SIRPG: variants seen among roughly 807,000 people sequenced by gnomAD.
The protein encoded by SIRPG is signal regulatory protein gamma.
A neutral mutation model predicts 35.7 loss-of-function variants in SIRPG; 38 were observed. The ratio of observed to expected loss-of-function variants is 1.06; its 90% confidence interval spans 0.82 to 1.40. The LOEUF is 1.40. Among genes scored for constraint, SIRPG ranks in the 40% most tolerant of loss-of-function variants. The pLI is 0.00. For missense variants in SIRPG, 519 were observed against 483.0 expected, an observed-to-expected ratio of 1.07 and a Z score of -0.70; for synonymous variants, 215 against 190.4, an observed-to-expected ratio of 1.13 and a Z score of -1.06.
intron 4 of SIRPG, among the ~76,000 whole-genome samples, chr20:1,631,826 T>C (rs2091752934): frequency 6.6e-6 from 1 of 152,146 alleles, no homozygotes; most frequent in Non-Finnish European, 1.5e-5. Flanking sequence ...AATTGGGAAA[T>C]GGTAGTTATA....
chr20:1,640,540 C>G (rs932350646), intron 2 of SIRPG, among the ~76,000 whole-genome samples: 1 of 152,162 alleles, frequency 6.6e-6, no homozygotes, highest in Non-Finnish European at 1.5e-5. Flanking sequence ...AATATAGAAT[C>G]ATGTCATCTG....
At chr20:1,648,933 A>C in intron 2 of SIRPG, 119 bp downstream of exon 2, 4 of 940,720 alleles carry the variant, frequency 4.3e-6, no homozygotes, top group Non-Finnish European at 6.7e-6. Context: ...AGGGGGTGAC[A>C]ACAGGTCTTG....
intron 3 of SIRPG, 103 bp downstream of exon 3, chr20:1,636,085 G>A (rs955486371): frequency 2.0e-6 from 3 of 1,526,964 alleles, no homozygotes; most frequent in Non-Finnish European, 2.7e-6. Context: ...TATAGTCAGG[G>A]ATTAGATTAC....
chr20:1,653,537 T>C (rs558283244), intron 1 of SIRPG, among the ~76,000 whole-genome samples: 103 of 152,290 alleles, frequency 6.8e-4, no homozygotes, highest in African/African-American at 2.4e-3. Context: ...TAGGCAGACC[T>C]GTGTCACCTG....
At chr20:1,672,395 C>T in the SIRPG span, among the ~76,000 whole-genome samples, 494 of 152,242 alleles carry the variant, frequency 3.2e-3, 4 homozygotes, top group African/African-American at 0.011. Flanking sequence ...AAAGCTTTAA[C>T]GAAGAGCCGA....
intron 1 of SIRPG, among the ~76,000 whole-genome samples, chr20:1,652,188 C>G (rs907815455): frequency 2.0e-5 from 3 of 152,194 alleles, no homozygotes; most frequent in African/African-American, 7.2e-5. Context: ...CTGCCTTGTT[C>G]TTTACTTCAT....
chr20:1,632,442 C>A (rs1368148946), intron 4 of SIRPG, among the ~76,000 whole-genome samples: 1 of 152,152 alleles, frequency 6.6e-6, no homozygotes, highest in East Asian at 1.9e-4. Flanking sequence ...CCAGCCTAGA[C>A]AACTTAAAAT....
intron 1 of SIRPG, among the ~76,000 whole-genome samples, chr20:1,652,038 C>CA (rs1206614104): frequency 3.3e-5 from 5 of 152,152 alleles, no homozygotes; most frequent in Middle Eastern, 3.2e-3. Flanking sequence ...TTCAAACAAA[C>CA]AAAAATACCT....
chr20:1,662,266 T>C (rs1379361812), upstream of SIRPG, among the ~76,000 whole-genome samples: 1 of 152,210 alleles, frequency 6.6e-6, no homozygotes, highest in African/African-American at 2.4e-5. Context: ...GAAGAATTTC[T>C]TGAGGCTCAG....
At chr20:1,663,341 G>T in the SIRPG span, among the ~76,000 whole-genome samples, 137 of 152,160 alleles carry the variant, frequency 9.0e-4, no homozygotes, top group African/African-American at 3.1e-3. Context: ...AAAAATCATC[G>T]TGACTGAAAA....
chr20:1,683,169 G>T, the SIRPG span, among the ~76,000 whole-genome samples: 3 of 152,176 alleles, frequency 2.0e-5, no homozygotes, highest in African/African-American at 7.2e-5. Context: ...CTATTCATCA[G>T]AGAAATGCAA....
the SIRPG span, among the ~76,000 whole-genome samples, chr20:1,673,220 C>T: frequency 2.0e-5 from 3 of 152,162 alleles, no homozygotes; most frequent in Non-Finnish European, 4.4e-5. Context: ...AGCATGGCGA[C>T]CCTAACGGGA....
chr20:1,638,834 T>A (rs984523189), intron 2 of SIRPG, among the ~76,000 whole-genome samples: 1 of 142,706 alleles, frequency 7.0e-6, no homozygotes, highest in South Asian at 2.5e-4. Context: ...TGTGTTCACA[T>A]TGTGCAACTC....
At chr20:1,664,964 G>A in the SIRPG span, among the ~76,000 whole-genome samples, 1 of 152,116 alleles carries the variant, frequency 6.6e-6, no homozygotes. Flanking sequence ...AAATAATCTA[G>A]AGGTGGCCTG....
At chr20:1,676,711 G>T in the SIRPG span, 1 of 171,098 alleles carries the variant, frequency 5.8e-6, no homozygotes, top group Non-Finnish European at 1.3e-5. Context: ...TGTTACCTGG[G>T]GAAAGTAGCC....
chr20:1,650,002 GTGTA>G lies in SIRPG; in HGVS notation c.74-598_74-595del, dbSNP rs1243499107. Among the ~76,000 whole-genome samples the G allele has an allele frequency of 6.6e-4, 54 of 81,340 alleles. 3 individuals carry two copies. The highest frequency in any genetic ancestry group is 3.4e-3 in the East Asian group (11 of 3,212). The allele number at this position is 81,340 out of a possible 152,430, so 53.4% of individuals were successfully genotyped here. Reference sequence around the variant, plus strand: ...GAACTCCTGAACTCTACTTTGAAGTGTGTATATATATATATATATATATATGTCA... The same window carrying G: ...GAACTCCTGAACTCTACTTTGAAGTGTATATATATATATATATATATGTCA... On this transcript the variant is annotated intron_variant, in intron 1 of 5. Coordinates refer to ENST00000303415, the MANE Select transcript of SIRPG (RefSeq NM_018556.4).
chr20:1,635,206 G>A (rs1318345373), intron 4 of SIRPG, 61 bp downstream of exon 4: 3 of 1,325,560 alleles, frequency 2.3e-6, no homozygotes, highest in African/African-American at 3.0e-5. Flanking sequence ...TACAGCAAGT[G>A]TGGATATTAC....
At chr20:1,685,403 C>T in the SIRPG span, among the ~76,000 whole-genome samples, 3 of 151,780 alleles carry the variant, frequency 2.0e-5, no homozygotes, top group Non-Finnish European at 2.9e-5. Flanking sequence ...ATATGACTGG[C>T]GATCTCAGAA....
chr20:1,669,077 G>A, the SIRPG span, among the ~76,000 whole-genome samples: 3 of 152,140 alleles, frequency 2.0e-5, no homozygotes, highest in African/African-American at 4.8e-5. Flanking sequence ...ACATATTTTG[G>A]TCAAAGAGAG....
Sources: gnomAD v4.1 joint callset for allele counts (sites outside exome capture counted in the v4.1 genomes callset) on GRCh38, gnomAD v4.1.1 for gene constraint, MANE v1.5 for transcripts, NCBI Gene and HGNC (gene_info 2026-07-23, HGNC 2026-07-21) for gene names.